CDC73: variants seen among roughly 807,000 people sequenced by gnomAD.
CDC73 encodes parafibromin.
A neutral mutation model predicts 83.7 loss-of-function variants in CDC73; 21 were observed. The observed-to-expected ratio is 0.25, with a 90% confidence interval of 0.18 to 0.36. The LOEUF (loss-of-function observed/expected upper bound fraction) is 0.36, where lower values mean the gene tolerates loss of function less well. Ranked by LOEUF, CDC73 falls within the 10% of genes least tolerant of loss-of-function variation. The pLI, the probability that CDC73 is intolerant of heterozygous loss-of-function variation, is 1.00. For synonymous variants in CDC73, 224 were observed against 212.9 expected (o/e 1.05, Z -0.45); for missense variants, 342 against 653.3 (o/e 0.52, Z 5.19).
At chr1:193,146,624 C>A (rs945196925) in intron 7 of CDC73, among the ~76,000 whole-genome samples, 1 of 152,168 alleles carries the variant, frequency 6.6e-6, no homozygotes, top group Admixed American at 6.5e-5. Context: ...GCCCTATGAC[C>A]TACCTAATCA....
intron 10 of CDC73, among the ~76,000 whole-genome samples, chr1:193,155,067 A>G (rs1483199439): frequency 6.6e-6 from 1 of 152,228 alleles, no homozygotes; most frequent in Non-Finnish European, 1.5e-5. Flanking sequence ...TTTAAGTTAA[A>G]CATCAGATTT....
intron 13 of CDC73, among the ~76,000 whole-genome samples, chr1:193,225,020 A>G (rs1677541622): frequency 6.6e-6 from 1 of 151,700 alleles, no homozygotes; most frequent in Non-Finnish European, 1.5e-5. Context: ...GTAGTCTTTT[A>G]TCCCTCACCC....
rs771178376 is a variant in CDC73 at position 193,195,573 on chromosome 1, A to C, written c.973-8222A>C. Among the ~76,000 whole-genome samples the C allele has an allele frequency of 1.1e-4, 17 of 152,280 alleles. No individual in the cohort carries two copies. In the East Asian group the frequency reaches 3.1e-3, roughly 28 times the overall value. ...TTTGTTTAATTTTTGGAGTACCATC[A>C]TACACTTTTCACAATAGCTGTGCCA... On this transcript the variant is annotated intron_variant, in intron 10 of 16. Transcript: ENST00000367435.
At chr1:193,134,189 C>T (rs985318101) in intron 3 of CDC73, among the ~76,000 whole-genome samples, 1 of 151,890 alleles carries the variant, frequency 6.6e-6, no homozygotes, top group African/African-American at 2.4e-5. Flanking sequence ...TTTAAAAAAA[C>T]TTGCCATTAT....
At chr1:193,215,757 T>A (rs1277314959) in intron 13 of CDC73, among the ~76,000 whole-genome samples, 3 of 151,966 alleles carry the variant, frequency 2.0e-5, no homozygotes, top group Non-Finnish European at 4.4e-5. Context: ...ACCTGGCAAA[T>A]TTTTGTATTT....
Position 193,161,640 on chromosome 1 carries a change from T to TTATA in CDC73, c.972+9199_972+9202dup, listed in dbSNP as rs1327188688. 8.0e-5 allele frequency among the ~76,000 whole-genome samples: 7 copies of TTATA among 87,534 alleles called. 3 individuals carry two copies. Among genetic ancestry groups the TTATA allele is most frequent in the African/African-American group, 3.0e-4 (7 of 23,070 alleles). The allele number at this position is 87,534 out of a possible 152,430, so 57.4% of individuals were successfully genotyped here. The stretch of plus-strand genomic sequence containing the variant: ...TATTATATGATAGATATATAATATA[T>TTATA]TATATAATATATAATATATTATATA... On this transcript the variant is annotated intron_variant, in intron 10 of 16. Transcript: ENST00000367435.
rs1370616892 is a variant in CDC73 at position 193,249,641 on chromosome 1, A to G, written c.1418-89A>G. 7.3e-6 allele frequency: 7 copies of G among 957,408 alleles called. No individual in the cohort carries two copies. The Admixed American group carries it at 9.6e-5, about 13-fold the overall frequency. The allele number at this position is 957,408 out of a possible 1,614,324, so 59.3% of individuals were successfully genotyped here. ...TATTTTAAAAGATCACTTTAGTTATAATACGGCTTCAGTTGGTGGAATAAA... is the reference window on the plus strand; with the variant it reads ...TATTTTAAAAGATCACTTTAGTTATGATACGGCTTCAGTTGGTGGAATAAA... On this transcript the variant is annotated intron_variant, in intron 15 of 16. Coordinates refer to ENST00000367435, the MANE Select transcript of CDC73 (RefSeq NM_024529.5).
intron 13 of CDC73, among the ~76,000 whole-genome samples, chr1:193,213,897 GTA>G (rs2102039920): frequency 6.6e-6 from 1 of 152,310 alleles, no homozygotes; most frequent in African/African-American, 2.4e-5. Flanking sequence ...CATCTGGGTA[GTA>G]TAAATTCAAA....
At chr1:193,138,289 C>T in intron 6 of CDC73, 116 bp downstream of exon 6, 1 of 762,850 alleles carries the variant, frequency 1.3e-6, no homozygotes, top group Non-Finnish European at 2.4e-6. Context: ...CATTTTATGC[C>T]TCTTTGCTCT....
At chr1:193,202,235 T>C (rs1322345772) in intron 10 of CDC73, among the ~76,000 whole-genome samples, 2 of 148,662 alleles carry the variant, frequency 1.3e-5, no homozygotes, top group Non-Finnish European at 3.0e-5. Context: ...GCAGTTCAGT[T>C]CAACTAGCTG....
At chr1:193,203,991 C>A in intron 11 of CDC73, 139 bp downstream of exon 11, 2 of 735,658 alleles carry the variant, frequency 2.7e-6, no homozygotes, top group South Asian at 3.1e-5. Flanking sequence ...TGAAGACTGT[C>A]GATACTGTTT....
chr1:193,158,289 G>A (rs1010323740), intron 10 of CDC73, among the ~76,000 whole-genome samples: 1 of 151,984 alleles, frequency 6.6e-6, no homozygotes, highest in African/African-American at 2.4e-5. Flanking sequence ...TTTAAAGAGG[G>A]TAATAACTAG....
At chr1:193,165,384 A>G (rs1361122218) in intron 10 of CDC73, among the ~76,000 whole-genome samples, 4 of 152,256 alleles carry the variant, frequency 2.6e-5, no homozygotes, top group African/African-American at 9.6e-5. Flanking sequence ...AAGTGCAAAT[A>G]AAGTAGTATC....
chr1:193,213,818 GTGCTT>G (rs1677316771), intron 13 of CDC73, among the ~76,000 whole-genome samples: 2 of 152,130 alleles, frequency 1.3e-5, no homozygotes, highest in African/African-American at 4.8e-5. Context: ...GCTTTGCCAG[GTGCTT>G]CAAGAATATC....
intron 13 of CDC73, among the ~76,000 whole-genome samples, chr1:193,229,515 A>C (rs1274406461): frequency 6.6e-6 from 1 of 152,262 alleles, no homozygotes; most frequent in Non-Finnish European, 1.5e-5. Flanking sequence ...TTTACAAACC[A>C]GGAAGTGGGA....
intron 13 of CDC73, among the ~76,000 whole-genome samples, chr1:193,220,630 A>G (rs985550644): frequency 3.3e-5 from 5 of 152,232 alleles, no homozygotes; most frequent in African/African-American, 1.2e-4. Context: ...ATCCCGGCAC[A>G]TACAAGTATA....
At position 193,122,476 on chromosome 1, in the gene CDC73, G is replaced by T. The variant is rs146433371; in HGVS notation, c.131+145G>T. The T allele has an allele frequency of 6.1e-5, 66 of 1,081,444 alleles. No individual in the cohort carries two copies. In the African/African-American group the frequency reaches 1.0e-3, roughly 17 times the overall value. 67.0% of individuals were successfully genotyped at this position (1,081,444 alleles called of 1,614,324 possible). A position where few individuals can be genotyped will look rare whatever the true frequency, so the allele number is the denominator to read the frequency against. On this transcript the variant is annotated intron_variant, in intron 1 of 16. Transcript: ENST00000367435. ...GAAAAGAAAGTTTCTCTCTAGAGCA[G>T]AAGTTGCACTTTTAGGGTAAGGAAA... is the stretch of plus-strand genomic sequence containing the variant.
chr1:193,181,667 C>A, intron 10 of CDC73: 2 of 1,096,830 alleles, frequency 1.8e-6, no homozygotes, highest in Non-Finnish European at 1.3e-6. Context: ...GTCACATTGT[C>A]TCTCTTGTAG....
At chr1:193,123,703 C>T (rs1478929291) in intron 1 of CDC73, among the ~76,000 whole-genome samples, 1 of 150,248 alleles carries the variant, frequency 6.7e-6, no homozygotes, top group South Asian at 2.1e-4. Flanking sequence ...CTAAGGAGTA[C>T]CTAGGGTGTG....
Sources: allele counts gnomAD v4.1 joint callset (sites outside exome capture counted in the v4.1 genomes callset), GRCh38; gene constraint gnomAD v4.1.1; transcripts MANE v1.5; gene names NCBI Gene and HGNC (gene_info 2026-07-23, HGNC 2026-07-21).